Variants in GPN1 observed in about 807,000 individuals in gnomAD.
The protein encoded by GPN1 is ATP(GTP)-binding protein.
A neutral mutation model predicts 55.9 loss-of-function variants in GPN1; 44 were observed. The observed-to-expected ratio is 0.79, with a 90% confidence interval of 0.62 to 1.01. The LOEUF (loss-of-function observed/expected upper bound fraction) is 1.01. Among genes scored for constraint, GPN1 ranks in the 50% least tolerant of loss-of-function variants. The pLI, the probability that GPN1 is intolerant of heterozygous loss-of-function variation, is 0.00. For synonymous variants in GPN1, 179 were observed against 162.5 expected (o/e 1.10, Z -0.77); for missense variants, 466 against 462.8 (o/e 1.01, Z -0.06).
intron 1 of GPN1, 79 bp downstream of exon 1, chr2:27,629,248 G>A: frequency 1.1e-6 from 1 of 927,950 alleles, no homozygotes. Context: ...AGAAAGGGAG[G>A]GAAGAGGATT....
chr2:27,650,290 C>A lies in GPN1; in HGVS notation c.*90C>A. 1 of 676,406 alleles carries A rather than the reference C, an allele frequency of 1.5e-6. No homozygotes were observed. The highest frequency in any genetic ancestry group is 2.6e-6 in the Non-Finnish European group (1 of 387,256). The allele number at this position is 676,406 out of a possible 1,614,324, so 41.9% of individuals were successfully genotyped here. ...TGTTCTTACCTCTGAACTGGGGGCT[C>A]CCATAAGGGATAATTTTCCTCAGAG... On this transcript the variant is annotated 3_prime_UTR_variant, in exon 14 of 14. Transcript: ENST00000610189.
chr2:27,628,481 G>A, upstream of GPN1: 1 of 1,551,476 alleles, frequency 6.4e-7, no homozygotes, highest in Non-Finnish European at 8.7e-7. Context: ...CTAGCATCAG[G>A]AACCTGCGTC....
intron 12 of GPN1, among the ~76,000 whole-genome samples, chr2:27,645,775 A>G (rs1212636774): frequency 6.6e-6 from 1 of 151,470 alleles, no homozygotes; most frequent in East Asian, 1.9e-4. Context: ...TGTCACCCCA[A>G]CTGGAGTGCA....
intron 11 of GPN1, 32 bp downstream of exon 11, chr2:27,641,311 A>T: frequency 6.6e-7 from 1 of 1,523,580 alleles, no homozygotes; most frequent in Non-Finnish European, 9.1e-7. Context: ...ATATTTTAAA[A>T]GGGCCATTAA....
At chr2:27,637,032 G>T (rs1336862127) in intron 7 of GPN1, among the ~76,000 whole-genome samples, 1 of 151,894 alleles carries the variant, frequency 6.6e-6, no homozygotes, top group Non-Finnish European at 1.5e-5. Context: ...CAATTTGGGG[G>T]TTAGAGGCGC....
chr2:27,642,173 A>G, intron 11 of GPN1: 1 of 376,258 alleles, frequency 2.7e-6, no homozygotes, highest in Non-Finnish European at 4.9e-6. Flanking sequence ...TTTAGAATTG[A>G]GGGTTCTTTT....
chr2:27,645,321 T>C (rs1325767050), intron 12 of GPN1, among the ~76,000 whole-genome samples: 1 of 152,214 alleles, frequency 6.6e-6, no homozygotes, highest in African/African-American at 2.4e-5. Context: ...TCCTTACTTT[T>C]ATGCCTGTAC....
chr2:27,644,321 T>G (rs2148080312), intron 12 of GPN1, among the ~76,000 whole-genome samples: 1 of 152,358 alleles, frequency 6.6e-6, no homozygotes, highest in African/African-American at 2.4e-5. Flanking sequence ...TATCCATTGA[T>G]ATAATAGGAA....
chr2:27,644,071 T>C (rs532486580), intron 12 of GPN1, among the ~76,000 whole-genome samples: 72 of 152,264 alleles, frequency 4.7e-4, no homozygotes, highest in African/African-American at 1.7e-3. Context: ...TTCCAGCTAC[T>C]CGCTGAGGCT....
chr2:27,643,379 TTGAG>T lies in GPN1; in HGVS notation c.931+862_931+865del, dbSNP rs1470522586. On this transcript the variant is annotated intron_variant, in intron 12 of 13. Coordinates refer to ENST00000610189, the MANE Select transcript of GPN1 (RefSeq NM_007266.4). The surrounding 1 kb of genome is among the most constrained non-coding windows in gnomAD (Gnocchi z 4.0). ...TAAATATATATTTTTCCTGAATCAT[TTGAG>T]TAAGTTACAGATATAATACTCTTTT... Among the ~76,000 whole-genome samples, 3 of 152,084 alleles carry T rather than the reference TTGAG, an allele frequency of 2.0e-5. No homozygotes were observed. The highest frequency in any genetic ancestry group is 6.5e-5 in the Admixed American group (1 of 15,280).
chr2:27,639,105 T>C (rs1673847219), intron 9 of GPN1, 74 bp downstream of exon 9: 1 of 1,231,960 alleles, frequency 8.1e-7, no homozygotes, highest in Middle Eastern at 2.0e-4. Flanking sequence ...GCTTTGAACC[T>C]GGCTGAGAAA....
chr2:27,628,899 C>T (rs1298719292), upstream of GPN1: 7 of 1,475,070 alleles, frequency 4.7e-6, no homozygotes, highest in African/African-American at 1.4e-5. Flanking sequence ...GTTGACTCAT[C>T]AGCCCTGCCC....
upstream of GPN1, chr2:27,628,980 G>A (rs1159798811): frequency 1.8e-5 from 28 of 1,586,886 alleles, no homozygotes; most frequent in Non-Finnish European, 2.3e-5. Flanking sequence ...GGTGGTTTTC[G>A]TTCGCAGCCC....
chr2:27,629,451 C>G (rs1235101471), intron 1 of GPN1: 1 of 1,517,920 alleles, frequency 6.6e-7, no homozygotes, highest in Admixed American at 2.0e-5. Context: ...AGGCAAGTTA[C>G]AAGTAACTTT....
At chr2:27,644,010 C>G (rs947693365) in intron 12 of GPN1, among the ~76,000 whole-genome samples, 2 of 152,158 alleles carry the variant, frequency 1.3e-5, no homozygotes, top group Non-Finnish European at 2.9e-5. Flanking sequence ...GAAACCCCAT[C>G]TCTCCTAAAA....
In GPN1 at chr2:27,650,367, A is replaced by G; in HGVS notation, c.*167A>G. The G allele has an allele frequency of 2.0e-6, 1 of 502,050 alleles. No homozygotes were observed. Among genetic ancestry groups the G allele is most frequent in the Non-Finnish European group, 3.6e-6 (1 of 278,062 alleles). The allele number at this position is 502,050 out of a possible 1,614,324, so 31.1% of individuals were successfully genotyped here. On this transcript the variant is annotated 3_prime_UTR_variant, in exon 14 of 14. Coordinates refer to ENST00000610189, the MANE Select transcript of GPN1 (RefSeq NM_007266.4). ...TCTTGTGACTCAGATGAAGTCAGGGATAGAAGACCCTTGGACCTGGCAGGT... is the reference window on the plus strand; with the variant it reads ...TCTTGTGACTCAGATGAAGTCAGGGGTAGAAGACCCTTGGACCTGGCAGGT...
At chr2:27,632,767 T>C (rs1673600777) in intron 5 of GPN1, 97 bp downstream of exon 5, 4 of 835,420 alleles carry the variant, frequency 4.8e-6, no homozygotes, top group Non-Finnish European at 8.1e-6. Flanking sequence ...TGAAAGAATA[T>C]AGATTGAGAT....
chr2:27,628,902 C>A (rs1673403387), upstream of GPN1: 2 of 1,479,872 alleles, frequency 1.4e-6, no homozygotes, highest in Non-Finnish European at 1.8e-6. Flanking sequence ...GACTCATCAG[C>A]CCTGCCCGAC....
chr2:27,636,913 G>A (rs1673756582), intron 7 of GPN1, among the ~76,000 whole-genome samples: 2 of 152,028 alleles, frequency 1.3e-5, no homozygotes, highest in South Asian at 2.1e-4. Flanking sequence ...GAACTCGTGG[G>A]CTCAGGCAGT....
Sources: allele counts gnomAD v4.1 joint callset (sites outside exome capture counted in the v4.1 genomes callset), GRCh38; gene constraint gnomAD v4.1.1; non-coding constraint Gnocchi (gnomAD v3.1); transcripts MANE v1.5; gene names NCBI Gene and HGNC (gene_info 2026-07-23, HGNC 2026-07-21).